Variants in PHACTR1 observed in about 807,000 individuals in gnomAD.
PHACTR1 encodes phosphatase and actin regulator 1.
A neutral mutation model predicts 69.2 loss-of-function variants in PHACTR1; 16 were observed. That is an observed-to-expected ratio of 0.23 (90% CI 0.16 to 0.35). The LOEUF (loss-of-function observed/expected upper bound fraction) is 0.35. Ranked by LOEUF, PHACTR1 falls within the 10% of genes least tolerant of loss-of-function variation. PHACTR1 has a pLI of 1.00. For synonymous variants in PHACTR1, 312 were observed against 284.5 expected, an observed-to-expected ratio of 1.10 and a Z score of -0.97; for missense variants, 510 against 734.7, an observed-to-expected ratio of 0.69 and a Z score of 3.54.
intron 4 of PHACTR1, chr6:12,933,550 C>T (rs747301985): frequency 3.9e-5 from 61 of 1,569,500 alleles, no homozygotes; most frequent in Middle Eastern, 1.7e-4. Flanking sequence ...TAATGGATCT[C>T]GCCAGGGTGA....
At chr6:13,217,238 A>G (rs934872173) in intron 8 of PHACTR1, among the ~76,000 whole-genome samples, 1 of 152,234 alleles carries the variant, frequency 6.6e-6, no homozygotes, top group East Asian at 1.9e-4. Context: ...CTAATTTCGC[A>G]GCTGCCTGGG....
At chr6:12,814,472 C>CT (rs1351385748) in intron 4 of PHACTR1, among the ~76,000 whole-genome samples, 2 of 152,272 alleles carry the variant, frequency 1.3e-5, no homozygotes, top group Non-Finnish European at 2.9e-5. Flanking sequence ...CAGATACTCT[C>CT]TGGAAAGCGC....
At chr6:12,774,380 T>TTTG (rs56095538) in intron 4 of PHACTR1, among the ~76,000 whole-genome samples, 12,103 of 151,574 alleles carry the variant, frequency 0.08, 575 homozygotes, top group Admixed American at 0.11. Flanking sequence ...ATATTTGGCT[T>TTTG]TTGTTGTTGT....
chr6:13,196,523 C>T (rs944276033), intron 7 of PHACTR1: 7 of 169,508 alleles, frequency 4.1e-5, no homozygotes, highest in Admixed American at 1.3e-4. Flanking sequence ...CAGGTTCAAG[C>T]GATTCTCCTG....
intron 3 of PHACTR1, among the ~76,000 whole-genome samples, chr6:12,732,589 T>C (rs1763688368): frequency 6.6e-6 from 1 of 152,090 alleles, no homozygotes; most frequent in Admixed American, 6.6e-5. Flanking sequence ...TGGTTTTCTG[T>C]TCTTGTGTTA....
intron 5 of PHACTR1, among the ~76,000 whole-genome samples, chr6:13,065,531 G>T (rs985965321): frequency 1.5e-4 from 23 of 152,136 alleles, no homozygotes. Flanking sequence ...GATTTAGATA[G>T]CATGTGGTTG....
At chr6:13,205,554 C>G (rs189784994) in intron 7 of PHACTR1, among the ~76,000 whole-genome samples, 1 of 152,240 alleles carries the variant, frequency 6.6e-6, no homozygotes, top group Non-Finnish European at 1.5e-5. Flanking sequence ...TCCCAAGTCT[C>G]TGACATACTG....
At chr6:13,134,795 T>TAA (rs35318262) in intron 5 of PHACTR1, among the ~76,000 whole-genome samples, 1,519 of 111,180 alleles carry the variant, frequency 0.014, 43 homozygotes, top group African/African-American at 0.029. Flanking sequence ...CAATAAATAC[T>TAA]AAAAAAAAAA....
chr6:13,100,638 G>A (rs1815005988), intron 5 of PHACTR1, among the ~76,000 whole-genome samples: 1 of 152,168 alleles, frequency 6.6e-6, no homozygotes, highest in African/African-American at 2.4e-5. Context: ...GGATGGTTGT[G>A]TTTTAGCATG....
intron 6 of PHACTR1, among the ~76,000 whole-genome samples, chr6:13,177,197 A>AC (rs1393590522): frequency 7.4e-6 from 1 of 134,850 alleles, no homozygotes; most frequent in East Asian, 2.0e-4. Flanking sequence ...AAAAAAAAAA[A>AC]AAAAAATCCA....
chr6:13,270,121 C>G (rs530165430), intron 10 of PHACTR1, among the ~76,000 whole-genome samples: 1 of 152,374 alleles, frequency 6.6e-6, no homozygotes, highest in African/African-American at 2.4e-5. Context: ...AACTGGGGTT[C>G]TCACAACTCC....
chr6:12,860,530 T>C (rs6912532), intron 4 of PHACTR1, among the ~76,000 whole-genome samples: 13,469 of 152,204 alleles, frequency 0.088, 717 homozygotes, highest in African/African-American at 0.14. Context: ...AATTGCTGGG[T>C]CAAATGGTAT....
chr6:13,261,047 C>G (rs1775844596), intron 10 of PHACTR1, among the ~76,000 whole-genome samples: 1 of 152,150 alleles, frequency 6.6e-6, no homozygotes, highest in Non-Finnish European at 1.5e-5. Context: ...ATCGCAACAA[C>G]CAAAAATAAC....
In PHACTR1 at chr6:13,240,431, TG is replaced by T. The variant is rs200257068; in HGVS notation, c.1391+10239del. Among the ~76,000 whole-genome samples the T allele has an allele frequency of 2.2e-3, 330 of 152,058 alleles. 1 individual carries two copies. Among genetic ancestry groups the T allele is most frequent in the African/African-American group, 7.5e-3 (309 of 41,434 alleles). ...ATATTCGTTGTGGGTTTTTTTTTGTTGTTGTTTTTTTGTTTTGTTTTGTTTT... is the reference window on the plus strand; with the variant it reads ...ATATTCGTTGTGGGTTTTTTTTTGTTTTGTTTTTTTGTTTTGTTTTGTTTT... On this transcript the variant is annotated intron_variant, in intron 10 of 14. Coordinates refer to ENST00000332995, the MANE Select transcript of PHACTR1 (RefSeq NM_030948.6).
At chr6:12,945,891 G>A (rs1790614595) in intron 4 of PHACTR1, among the ~76,000 whole-genome samples, 1 of 151,906 alleles carries the variant, frequency 6.6e-6, no homozygotes. Context: ...TTGAACCCAG[G>A]AGGTGGAGGT....
chr6:12,719,311 C>T (rs1286099944), intron 3 of PHACTR1, among the ~76,000 whole-genome samples: 1 of 152,166 alleles, frequency 6.6e-6, no homozygotes, highest in Non-Finnish European at 1.5e-5. Context: ...TCAGTTACCG[C>T]CTCAGATAAT....
intron 4 of PHACTR1, among the ~76,000 whole-genome samples, chr6:12,810,669 T>A (rs1470236794): frequency 6.6e-6 from 1 of 152,174 alleles, no homozygotes; most frequent in East Asian, 1.9e-4. Flanking sequence ...AGGTAGTGAC[T>A]GCCGTGGTGT....
intron 4 of PHACTR1, among the ~76,000 whole-genome samples, chr6:12,843,837 C>T (rs1311047266): frequency 6.6e-6 from 1 of 152,154 alleles, no homozygotes; most frequent in Non-Finnish European, 1.5e-5. Context: ...GAAAACAGGT[C>T]AAGTCTGTAT....
intron 3 of PHACTR1, among the ~76,000 whole-genome samples, chr6:12,730,970 T>C (rs1763427573): frequency 6.6e-6 from 1 of 150,704 alleles, no homozygotes; most frequent in Non-Finnish European, 1.5e-5. Flanking sequence ...TGGAATATTA[T>C]GCAGAATATT....
Sources: gnomAD v4.1 joint callset for allele counts (sites outside exome capture counted in the v4.1 genomes callset) on GRCh38, gnomAD v4.1.1 for gene constraint, MANE v1.5 for transcripts, NCBI Gene and HGNC (gene_info 2026-07-23, HGNC 2026-07-21) for gene names.